Variants in PARN observed in about 807,000 individuals in gnomAD.
PARN encodes the protein poly(A)-specific ribonuclease PARN.
A neutral mutation model predicts 102.8 loss-of-function variants in PARN; 71 were observed. That is an observed-to-expected ratio of 0.69 (90% CI 0.57 to 0.84). The LOEUF is 0.84. Among genes scored for constraint, PARN ranks in the 40% least tolerant of loss-of-function variants. The pLI is 0.00. For synonymous variants in PARN, 261 were observed against 252.9 expected (o/e 1.03, Z -0.30); for missense variants, 782 against 760.9 (o/e 1.03, Z -0.33).
At position 14,630,094 on chromosome 16, in the gene PARN, G is replaced by A. The variant is rs1428215889; in HGVS notation, c.19+13C>T. On this transcript the variant is annotated intron_variant, in intron 1 of 23. Transcript: ENST00000437198. ...GGTGTGGGGAGGCGGGGAGGTGTAC[G>A]GCGGACACGCACTGCTCCTGATTAT... 4 of 1,557,628 alleles carry A rather than the reference G, an allele frequency of 2.6e-6. No homozygotes were observed. Among genetic ancestry groups the A allele is most frequent in the Non-Finnish European group, 3.5e-6 (4 of 1,149,402 alleles).
chr16:14,496,733 A>G (rs760386928), intron 21 of PARN, among the ~76,000 whole-genome samples: 12 of 152,186 alleles, frequency 7.9e-5, no homozygotes, highest in African/African-American at 1.7e-4. Flanking sequence ...AGTTAATACT[A>G]TATCTTTAAG....
rs769145313 is a variant in PARN, at chr16:14,446,905, T to A, written c.1847A>T (p.Lys616Met). The A allele has an allele frequency of 2.5e-6, 4 of 1,612,730 alleles. No individual in the cohort carries two copies. The African/African-American group carries it at 4.0e-5, about 16-fold the overall frequency. ...KKAKKLKRMK[K>M]ELSPAGSISK... The stretch of plus-strand genomic sequence containing the variant: ...ATACAAACCTGCTGGAGAAAGCTCC[T>A]TCTTCATTCTTTTTAATTTCTTGGC... The change falls in exon 23 of 24, where the codon AAG becomes ATG. Residue 616 changes from lysine (K) to methionine (M), a missense_variant. By Grantham distance (95) the Lys-to-Met change is moderately conservative. Coordinates refer to ENST00000437198, the MANE Select transcript of PARN (RefSeq NM_002582.4).
At position 14,610,681 on chromosome 16, in the gene PARN, T is replaced by C; in HGVS notation, c.517A>G (p.Ile173Val). ...SPNTSKCPVT[I>V]PEDQKKFIDQ... ...ATAAACTTCTTTTGATCCTCAGGAA[T>C]CGTGACAGGACATTTTGAAGTGTTA... is the stretch of plus-strand genomic sequence containing the variant. Residue 173 changes from isoleucine to valine, a missense_variant, in exon 7 of 24, where the codon ATT becomes GTT. By Grantham distance (29) the Ile-to-Val change is conservative (BLOSUM62 3). Coordinates refer to ENST00000437198, the MANE Select transcript of PARN (RefSeq NM_002582.4). 6.2e-7 allele frequency: 1 copy of C among 1,611,178 alleles called. No homozygotes were observed. Among genetic ancestry groups the C allele is most frequent in the Non-Finnish European group, 8.5e-7 (1 of 1,177,398 alleles).
At chr16:14,627,073 T>A in intron 5 of PARN, 33 bp downstream of exon 5, 1 of 1,261,184 alleles carries the variant, frequency 7.9e-7, no homozygotes, top group Non-Finnish European at 1.1e-6. Flanking sequence ...CATCAGCAAT[T>A]CAGAAAAGAA....
At chr16:14,600,072 T>C (rs561796459) in intron 11 of PARN, 112 bp from the exon 12 acceptor site, 12 of 581,130 alleles carry the variant, frequency 2.1e-5, no homozygotes, top group East Asian at 1.2e-4. Context: ...GTTAGATAGC[T>C]TTAGTTTCCT....
At chr16:14,449,532 T>G (rs1436037784) in intron 22 of PARN, among the ~76,000 whole-genome samples, 4 of 152,212 alleles carry the variant, frequency 2.6e-5, no homozygotes, top group African/African-American at 7.2e-5. Flanking sequence ...TAAACATCTT[T>G]TGCAGGGCAA....
At position 14,608,339 on chromosome 16, in the gene PARN, G is replaced by C. The variant is rs1265999446; in HGVS notation, c.621-20C>G. 3.3e-6 allele frequency: 5 copies of C among 1,492,720 alleles called. No homozygotes were observed. In the Admixed American group the frequency reaches 1.1e-4, roughly 32 times the overall value. The allele number at this position is 1,492,720 out of a possible 1,614,324, so 92.5% of individuals were successfully genotyped here. On this transcript the variant is annotated intron_variant, in intron 8 of 23. Coordinates refer to ENST00000437198, the MANE Select transcript of PARN (RefSeq NM_002582.4). The stretch of plus-strand genomic sequence containing the variant: ...TGGAACCTATAAAAACAAAAGAAAA[G>C]GTATTGATTTTGGCTCATTAGAAGT...
intron 5 of PARN, among the ~76,000 whole-genome samples, chr16:14,623,208 G>C (rs1972429602): frequency 6.6e-6 from 1 of 151,884 alleles, no homozygotes; most frequent in Admixed American, 6.6e-5. Context: ...AAGTGGCATG[G>C]GAAAAGGATA....
At chr16:14,440,768 G>A (rs1264891639) in intron 23 of PARN, among the ~76,000 whole-genome samples, 2 of 152,182 alleles carry the variant, frequency 1.3e-5, no homozygotes, top group Non-Finnish European at 2.9e-5. Flanking sequence ...GCTAACTATC[G>A]CATGATTCCA....
intron 22 of PARN, among the ~76,000 whole-genome samples, chr16:14,463,706 G>C (rs1193742868): frequency 6.6e-6 from 1 of 152,124 alleles, no homozygotes; most frequent in Non-Finnish European, 1.5e-5. Flanking sequence ...GAGAGCATCT[G>C]TGACCTAGAG....
At chr16:14,440,894 T>C (rs1297906898) in intron 23 of PARN, among the ~76,000 whole-genome samples, 1 of 151,988 alleles carries the variant, frequency 6.6e-6, no homozygotes, top group Non-Finnish European at 1.5e-5. Context: ...TGAGGGAAAT[T>C]TCTGGAGTGA....
chr16:14,593,135 GA>G (rs201534429), intron 13 of PARN, among the ~76,000 whole-genome samples, 165 bp downstream of exon 13: 1 of 150,202 alleles, frequency 6.7e-6, no homozygotes, highest in Admixed American at 6.6e-5. Flanking sequence ...ACATCTCAAG[GA>G]AAAAAAAATG....
At chr16:14,595,585 T>G (rs910146887) in intron 12 of PARN, among the ~76,000 whole-genome samples, 2 of 151,956 alleles carry the variant, frequency 1.3e-5, no homozygotes, top group Non-Finnish European at 2.9e-5. Flanking sequence ...CAGGCTGGAG[T>G]GCGGTGGCAT....
intron 21 of PARN, among the ~76,000 whole-genome samples, chr16:14,530,239 T>C (rs1966248358): frequency 6.6e-6 from 1 of 152,154 alleles, no homozygotes; most frequent in African/African-American, 2.4e-5. Flanking sequence ...GAATGAGCAT[T>C]TCTTCCTGAA....
intron 18 of PARN, among the ~76,000 whole-genome samples, chr16:14,573,679 G>A (rs1968945813): frequency 1.3e-5 from 2 of 152,156 alleles, no homozygotes; most frequent in Admixed American, 1.3e-4. Flanking sequence ...GAAGGTGATT[G>A]AATTATGGGG....
chr16:14,608,243 T>TC (rs1477204591), intron 9 of PARN, 38 bp downstream of exon 9: 1 of 1,415,530 alleles, frequency 7.1e-7, no homozygotes, highest in African/African-American at 1.4e-5. Context: ...AAATCCTGGG[T>TC]CCCCCACAGA....
chr16:14,469,153 C>T (rs1962560437), intron 22 of PARN, among the ~76,000 whole-genome samples: 1 of 151,872 alleles, frequency 6.6e-6, no homozygotes, highest in South Asian at 2.1e-4. Context: ...CAAAATTAGC[C>T]AGGTGTGGTG....
intron 21 of PARN, among the ~76,000 whole-genome samples, chr16:14,487,677 A>G (rs922909474): frequency 6.6e-6 from 1 of 151,942 alleles, no homozygotes; most frequent in African/African-American, 2.4e-5. Flanking sequence ...TAAAAGTAAG[A>G]AAAAAAAATC....
At chr16:14,623,384 CAT>C (rs1455999808) in intron 5 of PARN, among the ~76,000 whole-genome samples, 2 of 151,618 alleles carry the variant, frequency 1.3e-5, no homozygotes, top group African/African-American at 4.8e-5. Context: ...CGTGTTAGCA[CAT>C]GTTTGTAGTC....
Sources: allele counts gnomAD v4.1 joint callset (sites outside exome capture counted in the v4.1 genomes callset), GRCh38; gene constraint gnomAD v4.1.1; transcripts MANE v1.5; gene names NCBI Gene and HGNC (gene_info 2026-07-23, HGNC 2026-07-21).